MFHAS1: variants seen among roughly 807,000 people sequenced by gnomAD.
The protein encoded by MFHAS1 is multifunctional ROCO family signaling regulator 1, also known as malignant fibrous histiocytoma-amplified sequence 1.
MFHAS1 carries 50 observed loss-of-function variants against 70.4 expected under a neutral mutation model. The ratio of observed to expected loss-of-function variants is 0.71; its 90% CI spans 0.57 to 0.90. The LOEUF (loss-of-function observed/expected upper bound fraction) is 0.90, where lower values mean the gene tolerates loss of function less well. MFHAS1 is among the 40% of genes least tolerant of loss of function. The pLI is 0.00. For synonymous variants in MFHAS1, 952 were observed against 620.0 expected, an observed-to-expected ratio of 1.54 and a Z score of -7.96; for missense variants, 1,795 against 1,347.6, an observed-to-expected ratio of 1.33 and a Z score of -5.20.
Position 8,857,780 on chromosome 8 carries a change from T to A in MFHAS1, c.2998+32281A>T, listed in dbSNP as rs540098913. Among the ~76,000 whole-genome samples the A allele has an allele frequency of 2.0e-5, 3 of 151,512 alleles. No individual in the cohort carries two copies. The East Asian group carries it at 5.8e-4, about 29-fold the overall frequency. ...GTCTCAAAAAAAAAACAAAAAAAAA[T>A]CTTTTGTTTGTAAACTCAGTAGATA... On this transcript the variant is annotated intron_variant, in intron 1 of 2. Coordinates refer to ENST00000276282, the MANE Select transcript of MFHAS1 (RefSeq NM_004225.3).
Position 8,784,842 on chromosome 8 carries a change from T to C in MFHAS1, c.*1180A>G, listed in dbSNP as rs1021737338. On this transcript the variant is annotated 3_prime_UTR_variant, in exon 3 of 3. Transcript: ENST00000276282. ...GTAGAATGGAGAGCAATTTGTTTGG[T>C]TGGCTTTTTAAGTTTTACCTTGTGA... The C allele has an allele frequency of 3.3e-5, 5 of 152,202 alleles. No homozygotes were observed. The highest frequency in any genetic ancestry group is 1.9e-4 in the East Asian group (1 of 5,198). The allele number at this position is 152,202 out of a possible 1,614,324, so 9.4% of individuals were successfully genotyped here.
At position 8,837,578 on chromosome 8, in the gene MFHAS1, G is replaced by A. The variant is rs189925179; in HGVS notation, c.2999-40087C>T. 3.8e-3 allele frequency among the ~76,000 whole-genome samples: 578 copies of A among 152,130 alleles called. 7 individuals carry two copies. The highest frequency in any genetic ancestry group is 0.013 in the African/African-American group (542 of 41,506). ...GAATTCCTTGAACCCAGGAGGCGGAGGTTGCAGTGAGCCAAGATCGCGCCA... is the reference window on the plus strand; with the variant it reads ...GAATTCCTTGAACCCAGGAGGCGGAAGTTGCAGTGAGCCAAGATCGCGCCA... On this transcript the variant is annotated intron_variant, in intron 1 of 2. Transcript: ENST00000276282.
intron 1 of MFHAS1, among the ~76,000 whole-genome samples, chr8:8,826,247 A>T (rs912500266): frequency 6.1e-5 from 9 of 147,772 alleles, no homozygotes; most frequent in African/African-American, 1.7e-4. Context: ...AAACACAAAG[A>T]GTGTGTGTGT....
intron 1 of MFHAS1, among the ~76,000 whole-genome samples, chr8:8,800,172 G>A (rs1158192922): frequency 3.9e-5 from 6 of 152,268 alleles, no homozygotes; most frequent in African/African-American, 7.2e-5. Flanking sequence ...ATTTCCTGAC[G>A]TGTACATTTT....
At chr8:8,849,017 G>C (rs902912054) in intron 1 of MFHAS1, among the ~76,000 whole-genome samples, 5 of 148,986 alleles carry the variant, frequency 3.4e-5, no homozygotes, top group African/African-American at 1.2e-4. Context: ...GCAGGGTAAA[G>C]GTACACAATG....
In MFHAS1 at chr8:8,890,992, C is replaced by T. The variant is rs368940532; in HGVS notation, c.2067G>A (p.Leu689=). ...CCTCGGTCAGACCCGCCTGCAGGCC[C>T]AAGCGCGCCGAGTCCCACCAGCTTA... ...LWLSWWDSAR[L]GLQAGLTEDR... Residue 689 remains leucine (L), a synonymous_variant, in exon 1 of 3, where the codon TTG becomes TTA. Coordinates refer to ENST00000276282, the MANE Select transcript of MFHAS1 (RefSeq NM_004225.3). The T allele has an allele frequency of 1.2e-6, 2 of 1,613,872 alleles. No homozygotes were observed. The highest frequency in any genetic ancestry group is 2.7e-5 in the African/African-American group (2 of 74,930).
chr8:8,876,640 G>C lies in MFHAS1; in HGVS notation c.2998+13421C>G, dbSNP rs570206901. 8.8e-4 allele frequency among the ~76,000 whole-genome samples: 134 copies of C among 152,056 alleles called. 1 individual carries two copies. The highest frequency in any genetic ancestry group is 3.1e-3 in the African/African-American group (130 of 41,518). On this transcript the variant is annotated intron_variant, in intron 1 of 2. Coordinates refer to ENST00000276282, the MANE Select transcript of MFHAS1 (RefSeq NM_004225.3). Reference sequence around the variant, plus strand: ...GATCCTCCCGCCTCGGCCTCCCAAAGTGCTGGGATTACAGGTGTGAGCCAC... The same window carrying C: ...GATCCTCCCGCCTCGGCCTCCCAAACTGCTGGGATTACAGGTGTGAGCCAC...
At chr8:8,868,610 A>C (rs1156892664) in intron 1 of MFHAS1, among the ~76,000 whole-genome samples, 1 of 152,058 alleles carries the variant, frequency 6.6e-6, no homozygotes, top group East Asian at 1.9e-4. Flanking sequence ...TGAGCATCTT[A>C]TGGAAGATGA....
chr8:8,893,084 A>G lies in MFHAS1; in HGVS notation c.-26T>C. 1 of 1,432,854 alleles carries G rather than the reference A, an allele frequency of 7.0e-7. No individual in the cohort carries two copies. The highest frequency in any genetic ancestry group is 3.0e-5 in the East Asian group (1 of 33,330). The allele number at this position is 1,432,854 out of a possible 1,614,324, so 88.8% of individuals were successfully genotyped here. A position where few individuals can be genotyped will look rare whatever the true frequency, so the allele number is the denominator to read the frequency against. Reference sequence around the variant, plus strand: ...GGCGGGGCCCCGGGCCGACAGCCTCACGCGGACGCGGGAGCCCGCAGCTAC... The same window carrying G: ...GGCGGGGCCCCGGGCCGACAGCCTCGCGCGGACGCGGGAGCCCGCAGCTAC... On this transcript the variant is annotated 5_prime_UTR_variant, in exon 1 of 3. Coordinates refer to ENST00000276282, the MANE Select transcript of MFHAS1 (RefSeq NM_004225.3).
At chr8:8,841,166 C>T (rs1013168256) in intron 1 of MFHAS1, among the ~76,000 whole-genome samples, 4 of 152,114 alleles carry the variant, frequency 2.6e-5, no homozygotes, top group Admixed American at 1.3e-4. Context: ...ATACCGATGG[C>T]GGGCTGTACT....
intron 2 of MFHAS1, among the ~76,000 whole-genome samples, chr8:8,796,086 CAAACA>C (rs1805882640): frequency 6.6e-6 from 1 of 152,118 alleles, no homozygotes; most frequent in Admixed American, 6.5e-5. Flanking sequence ...GTTCTTAATA[CAAACA>C]AAACAAAACG....
At chr8:8,805,803 T>C (rs1318396345) in intron 1 of MFHAS1, among the ~76,000 whole-genome samples, 2 of 152,176 alleles carry the variant, frequency 1.3e-5, no homozygotes, top group Non-Finnish European at 2.9e-5. Context: ...GTTCAAGAGA[T>C]TCTCCTGCCT....
intron 1 of MFHAS1, among the ~76,000 whole-genome samples, chr8:8,836,438 G>A (rs1199209164): frequency 6.6e-6 from 1 of 152,106 alleles, no homozygotes; most frequent in Non-Finnish European, 1.5e-5. Flanking sequence ...GAGTGCAGTG[G>A]CATGATCGGA....
chr8:8,889,615 G>C (rs548015332), intron 1 of MFHAS1, among the ~76,000 whole-genome samples: 5 of 152,154 alleles, frequency 3.3e-5, no homozygotes, highest in Non-Finnish European at 5.9e-5. Flanking sequence ...GAAAATTTAA[G>C]TTTTTTAAAA....
chr8:8,884,103 GA>G (rs1224247688), intron 1 of MFHAS1, among the ~76,000 whole-genome samples: 1 of 140,330 alleles, frequency 7.1e-6, no homozygotes, highest in African/African-American at 2.6e-5. Context: ...AAAAATTAAA[GA>G]AAAAATACTT....
chr8:8,890,307 CAAAGATCTGAA>C lies in MFHAS1; in HGVS notation c.2741_2751del (p.Phe914CysfsTer3). The C allele has an allele frequency of 6.2e-7, 1 of 1,614,180 alleles. No homozygotes were observed. The highest frequency in any genetic ancestry group is 8.5e-7 in the Non-Finnish European group (1 of 1,180,034). ...ACCACAGGAACTTTCCCTCTATAGGCAAAGATCTGAAATTTACCATCCGACCTGTGCACCAC... is the reference window on the plus strand; with the variant it reads ...ACCACAGGAACTTTCCCTCTATAGGCATTTACCATCCGACCTGTGCACCAC... On this transcript the variant is annotated frameshift_variant, in exon 1 of 3. Transcript: ENST00000276282. LOFTEE classifies it high-confidence loss of function.
intron 1 of MFHAS1, among the ~76,000 whole-genome samples, chr8:8,828,429 G>A (rs1389308121): frequency 1.3e-5 from 2 of 152,162 alleles, no homozygotes; most frequent in African/African-American, 4.8e-5. Context: ...AGGGCAGTCT[G>A]AAGCTGCAGT....
intron 1 of MFHAS1, among the ~76,000 whole-genome samples, chr8:8,888,203 C>A (rs1470346143): frequency 6.6e-6 from 1 of 152,186 alleles, no homozygotes; most frequent in African/African-American, 2.4e-5. Flanking sequence ...TGACTGGTAA[C>A]TGAATACGCT....
intron 1 of MFHAS1, among the ~76,000 whole-genome samples, chr8:8,813,835 C>G (rs1806638252): frequency 6.6e-6 from 1 of 152,122 alleles, no homozygotes; most frequent in Non-Finnish European, 1.5e-5. Flanking sequence ...CAGTAACGTC[C>G]TGAGCCTCCA....
Sources: gnomAD v4.1 joint callset for allele counts (sites outside exome capture counted in the v4.1 genomes callset) on GRCh38, gnomAD v4.1.1 for gene constraint, MANE v1.5 for transcripts, NCBI Gene and HGNC (gene_info 2026-07-23, HGNC 2026-07-21) for gene names.